Variants in SLC25A48 observed in about 807,000 individuals in gnomAD.
SLC25A48 encodes CTC-321K16.1.
In SLC25A48, 29 loss-of-function variants were observed where a neutral mutation model predicts 32.2. The ratio of observed to expected loss-of-function variants is 0.90; its 90% CI spans 0.67 to 1.23. The LOEUF (loss-of-function observed/expected upper bound fraction) is 1.23, where lower values mean the gene tolerates loss of function less well. Ranked by LOEUF, SLC25A48 falls within the 50% of genes most tolerant of loss-of-function variation. SLC25A48 has a pLI of 0.00. For missense variants in SLC25A48, 399 were observed against 422.7 expected, an observed-to-expected ratio of 0.94 and a Z score of 0.49; for synonymous variants, 164 against 172.3, an observed-to-expected ratio of 0.95 and a Z score of 0.38.
chr5:135,695,447 T>G (rs1754243293), intron 3 of SLC25A48, among the ~76,000 whole-genome samples: 1 of 152,216 alleles, frequency 6.6e-6, no homozygotes, highest in Non-Finnish European at 1.5e-5. Context: ...ATCAGATAAT[T>G]GTTTTCTTTC....
At chr5:135,627,437 T>G (rs891055478) in intron 1 of SLC25A48, among the ~76,000 whole-genome samples, 2 of 152,188 alleles carry the variant, frequency 1.3e-5, no homozygotes, top group Non-Finnish European at 2.9e-5. Context: ...TAATGCTACC[T>G]CTTTCCTTTG....
chr5:135,850,454 A>T lies in SLC25A48; in HGVS notation c.120A>T (p.Gly40=). The T allele has an allele frequency of 6.2e-7, 1 of 1,614,144 alleles. No individual in the cohort carries two copies. The highest frequency in any genetic ancestry group is 8.5e-7 in the Non-Finnish European group (1 of 1,180,022). ...KTRLQAGVGY[G]NTLSCIRVVY... is the part of the protein sequence containing the mutation. ...GCCTGCAGGCTGGCGTTGGCTACGG[A>T]AACACCCTCAGCTGCATCCGCGTGG... Residue 40 remains glycine (G), a synonymous_variant, in exon 3 of 8, where the codon GGA becomes GGT. Transcript: ENST00000681962.
Position 135,817,945 on chromosome 5 carries a change from C to T in SLC25A48, c.-117+5019C>T, listed in dbSNP as rs190108774. On this transcript the variant is annotated intron_variant, in intron 4 of 10. Coordinates refer to the SLC25A48 transcript ENST00000646290. ...ATACAAAACGCAAAAACTAGCTACC[C>T]GAGAACTCTAAAAAGTAAACAAAAA... 7.2e-5 allele frequency among the ~76,000 whole-genome samples: 11 copies of T among 152,122 alleles called. No homozygotes were observed. In the South Asian group the frequency reaches 1.0e-3, roughly 14 times the overall value.
intron 6 of SLC25A48, chr5:135,876,172 C>G (rs1474693361): frequency 4.3e-5 from 4 of 93,958 alleles, no homozygotes. Flanking sequence ...AGCAGAAATA[C>G]AGTTTGTGAT....
chr5:135,669,415 C>A (rs908760187), intron 3 of SLC25A48, among the ~76,000 whole-genome samples: 4 of 152,054 alleles, frequency 2.6e-5, no homozygotes, highest in African/African-American at 9.7e-5. Flanking sequence ...CAGGAAGCAC[C>A]TATCTGGGGG....
chr5:135,676,233 A>G (rs1286854342), intron 3 of SLC25A48, among the ~76,000 whole-genome samples: 1 of 151,774 alleles, frequency 6.6e-6, no homozygotes, highest in Non-Finnish European at 1.5e-5. Context: ...GTGTCCAGAC[A>G]TTGTCTGTTT....
chr5:135,804,369 T>G (rs1428580883), intron 3 of SLC25A48, among the ~76,000 whole-genome samples: 2 of 151,772 alleles, frequency 1.3e-5, no homozygotes, highest in African/African-American at 4.8e-5. Context: ...TTATGAATAA[T>G]GTCACAGGGT....
chr5:135,839,299 A>C (rs1426265865), intron 1 of SLC25A48, among the ~76,000 whole-genome samples: 2 of 152,154 alleles, frequency 1.3e-5, no homozygotes, highest in Non-Finnish European at 2.9e-5. Context: ...CACCTCTTGC[A>C]TTAGTGTGAC....
At chr5:135,602,996 C>G (rs1187855373) in intron 1 of SLC25A48, among the ~76,000 whole-genome samples, 4 of 152,186 alleles carry the variant, frequency 2.6e-5, no homozygotes, top group African/African-American at 9.7e-5. Context: ...GCTGTAGAGA[C>G]TGAAACAGCT....
rs1271235115 is a variant in SLC25A48 at position 135,710,930 on chromosome 5, A to G, written c.-521+75974A>G. ...TTAAGTTCTTTCCTAAAAATCCATC[A>G]TGTGGATTTTTTAAACCAAATTTGG... On this transcript the variant is annotated intron_variant, in intron 3 of 10. Coordinates refer to the SLC25A48 transcript ENST00000646290. Among the ~76,000 whole-genome samples, 3 of 152,194 alleles carry G rather than the reference A, an allele frequency of 2.0e-5. No individual in the cohort carries two copies. In the South Asian group the frequency reaches 6.2e-4, roughly 32 times the overall value.
chr5:135,733,175 G>C (rs1011105143), intron 3 of SLC25A48, among the ~76,000 whole-genome samples: 10 of 152,298 alleles, frequency 6.6e-5, no homozygotes, highest in Admixed American at 2.0e-4. Context: ...GGTAATGGAG[G>C]GGGGCAGAGC....
chr5:135,726,770 A>G (rs901915469), intron 3 of SLC25A48, among the ~76,000 whole-genome samples: 3 of 152,256 alleles, frequency 2.0e-5, no homozygotes, highest in Non-Finnish European at 2.9e-5. Flanking sequence ...TAAAGTTGCT[A>G]TAAATATTCA....
chr5:135,830,399 A>G (rs1021189286), upstream of SLC25A48, among the ~76,000 whole-genome samples: 2 of 152,204 alleles, frequency 1.3e-5, no homozygotes, highest in African/African-American at 4.8e-5. Context: ...TAGAGGAAGA[A>G]TTAAGGCCTG....
At chr5:135,829,249 G>A (rs1223665273) in intron 4 of SLC25A48, among the ~76,000 whole-genome samples, 3 of 152,120 alleles carry the variant, frequency 2.0e-5, no homozygotes, top group Non-Finnish European at 2.9e-5. Flanking sequence ...CTTTCAGATG[G>A]GACCTTGACA....
intron 4 of SLC25A48, among the ~76,000 whole-genome samples, chr5:135,813,946 C>G (rs1757650950): frequency 6.6e-6 from 1 of 152,130 alleles, no homozygotes; most frequent in Non-Finnish European, 1.5e-5. Context: ...AAGTGAATCC[C>G]CGAGAAAGAA....
At chr5:135,797,172 A>T (rs2126638900) in intron 3 of SLC25A48, among the ~76,000 whole-genome samples, 1 of 152,012 alleles carries the variant, frequency 6.6e-6, no homozygotes, top group South Asian at 2.1e-4. Flanking sequence ...GGTGAAGAAG[A>T]TGATAATACT....
intron 3 of SLC25A48, among the ~76,000 whole-genome samples, chr5:135,800,613 C>T (rs938256958): frequency 5.3e-5 from 8 of 151,734 alleles, no homozygotes; most frequent in South Asian, 2.1e-4. Flanking sequence ...CCCACCCTCC[C>T]GGGTGATGTT....
intron 4 of SLC25A48, among the ~76,000 whole-genome samples, chr5:135,854,410 A>C (rs1294901259): frequency 6.6e-6 from 1 of 152,234 alleles, no homozygotes; most frequent in Non-Finnish European, 1.5e-5. Flanking sequence ...CATGTTCATC[A>C]ATTCTCTTAG....
At chr5:135,752,498 A>T (rs1755793998) in intron 3 of SLC25A48, among the ~76,000 whole-genome samples, 1 of 152,136 alleles carries the variant, frequency 6.6e-6, no homozygotes, top group Non-Finnish European at 1.5e-5. Context: ...CCACTGTGAT[A>T]TCTGGAGTAA....
Sources: allele counts gnomAD v4.1 joint callset (sites outside exome capture counted in the v4.1 genomes callset), GRCh38; gene constraint gnomAD v4.1.1; transcripts MANE v1.5; gene names NCBI Gene and HGNC (gene_info 2026-07-23, HGNC 2026-07-21).